Variants in TTLL6 observed in about 807,000 individuals in gnomAD.
TTLL6 encodes the protein tubulin tyrosine ligase like 6.
Under a neutral mutation model 96.4 loss-of-function variants are expected in TTLL6, and 75 were observed. That is an observed-to-expected ratio of 0.78 (90% CI 0.65 to 0.94). TTLL6 has a LOEUF of 0.94. TTLL6 is among the 40% of genes least tolerant of loss of function. The probability of loss-of-function intolerance (pLI) is 0.00; values close to 1 mark genes in which losing one functional copy is unlikely to be tolerated. For missense variants in TTLL6, 1,030 were observed against 1,093.0 expected, an observed-to-expected ratio of 0.94 and a Z score of 0.81; for synonymous variants, 411 against 419.4, an observed-to-expected ratio of 0.98 and a Z score of 0.24.
chr17:48,770,149 C>CCTATG, intron 13 of TTLL6, 52 bp from the exon 14 acceptor site: 7 of 1,526,620 alleles, frequency 4.6e-6, no homozygotes, highest in Non-Finnish European at 6.1e-6. Flanking sequence ...AGGGTTCCTT[C>CCTATG]CTATGCTATT....
chr17:48,770,724 G>A (rs1466596316), intron 13 of TTLL6, among the ~76,000 whole-genome samples: 1 of 151,606 alleles, frequency 6.6e-6, no homozygotes, highest in African/African-American at 2.4e-5. Flanking sequence ...TGTTGCCCAG[G>A]CTGGTCTCAA....
chr17:48,796,597 C>T (rs190971626), intron 7 of TTLL6, among the ~76,000 whole-genome samples: 23 of 148,052 alleles, frequency 1.6e-4, no homozygotes, highest in Admixed American at 1.0e-3. Flanking sequence ...CCAGCCTAGG[C>T]GACAAAGCGA....
chr17:48,799,684 C>T lies in TTLL6; in HGVS notation c.688G>A (p.Gly230Arg), dbSNP rs1024376770. The change falls in exon 6 of 16, where the codon GGG becomes AGG. Residue 230 changes from glycine to arginine, a missense_variant. By Grantham distance (125) the Gly-to-Arg change is moderately radical. Transcript: ENST00000393382. ...YICKPDSGCQ[G>R]KGIFITRTVK... ...GTCCGGGTGATGAATATACCTTTCC[C>T]TTGGCAGCCCGAATCCGGCTTACAA... The T allele has an allele frequency of 4.5e-6, 7 of 1,551,686 alleles. No individual in the cohort carries two copies. The African/African-American group carries it at 5.5e-5, about 12-fold the overall frequency.
chr17:48,804,702 A>C, intron 2 of TTLL6, 70 bp downstream of exon 2: 24 of 1,141,718 alleles, frequency 2.1e-5, no homozygotes, highest in Non-Finnish European at 2.8e-5. Context: ...ATCAGCCAAG[A>C]CCCCCTTCCC....
chr17:48,809,013 T>G (rs780939847), intron 1 of TTLL6, among the ~76,000 whole-genome samples: 166 of 152,320 alleles, frequency 1.1e-3, no homozygotes, highest in South Asian at 3.3e-3. Context: ...CTATAAATAA[T>G]ATAATTATAA....
intron 13 of TTLL6, among the ~76,000 whole-genome samples, chr17:48,777,298 A>G (rs192786918): frequency 5.3e-5 from 8 of 152,324 alleles, no homozygotes; most frequent in African/African-American, 1.7e-4. Flanking sequence ...AAACTTCTAG[A>G]AAAAACATAG....
intron 12 of TTLL6, among the ~76,000 whole-genome samples, chr17:48,785,518 C>T (rs1054798344): frequency 1.3e-5 from 2 of 152,150 alleles, no homozygotes; most frequent in African/African-American, 4.8e-5. Flanking sequence ...TAATACGAAA[C>T]AAAAATCCCT....
intron 10 of TTLL6, among the ~76,000 whole-genome samples, chr17:48,788,604 G>A (rs939634787): frequency 1.3e-5 from 2 of 152,144 alleles, no homozygotes; most frequent in Admixed American, 6.6e-5. Flanking sequence ...CCTCCTTCTC[G>A]AGGAGTTTAG....
intron 13 of TTLL6, among the ~76,000 whole-genome samples, chr17:48,778,605 G>A (rs2038926578): frequency 6.7e-6 from 1 of 149,888 alleles, no homozygotes; most frequent in African/African-American, 2.5e-5. Flanking sequence ...AAACCAGCCT[G>A]GGCAACAAAG....
intron 13 of TTLL6, among the ~76,000 whole-genome samples, chr17:48,774,672 T>C (rs1385972343): frequency 6.6e-6 from 1 of 151,924 alleles, no homozygotes; most frequent in Non-Finnish European, 1.5e-5. Context: ...AACCAATACC[T>C]CAAAAACCAC....
chr17:48,795,792 G>C lies in TTLL6; in HGVS notation c.998+269C>G, dbSNP rs549953237. On this transcript the variant is annotated intron_variant, in intron 8 of 15. Transcript: ENST00000393382. ...GTAATAAGGGTATGTTTTGGTGTGT[G>C]TATATATTCTGCTGGGGAAACAGCT... 1.1e-4 allele frequency among the ~76,000 whole-genome samples: 16 copies of C among 152,288 alleles called. No individual in the cohort carries two copies. In the Middle Eastern group the frequency reaches 0.014, roughly 129 times the overall value.
intron 8 of TTLL6, among the ~76,000 whole-genome samples, chr17:48,792,085 C>T (rs1406356317): frequency 1.3e-5 from 2 of 152,142 alleles, no homozygotes; most frequent in Admixed American, 6.5e-5. Flanking sequence ...TTTAGGGCTG[C>T]CCACAAGGAA....
At chr17:48,801,500 CA>C in intron 4 of TTLL6, 24 bp downstream of exon 4, 1 of 1,551,170 alleles carries the variant, frequency 6.4e-7, no homozygotes, top group Non-Finnish European at 8.7e-7. Flanking sequence ...ACACTTAAAC[CA>C]AGGACCATCA....
chr17:48,765,505 C>CA (rs1332703955), intron 15 of TTLL6: 1 of 151,726 alleles, frequency 6.6e-6, no homozygotes, highest in Admixed American at 6.6e-5. Flanking sequence ...AGTCGGCTAG[C>CA]AAAAAAGGGT....
chr17:48,772,876 G>A (rs2038776595), intron 13 of TTLL6, among the ~76,000 whole-genome samples: 1 of 152,058 alleles, frequency 6.6e-6, no homozygotes, highest in Non-Finnish European at 1.5e-5. Flanking sequence ...ATGGTGGCAT[G>A]CACCTGTGTC....
Position 48,769,880 on chromosome 17 carries a change from C to T in TTLL6, c.2258G>A (p.Trp753Ter), listed in dbSNP as rs557326604. 2 of 1,614,218 alleles carry T rather than the reference C, an allele frequency of 1.2e-6. No individual in the cohort carries two copies. The highest frequency in any genetic ancestry group is 2.2e-5 in the South Asian group (2 of 91,086). ...AGTCCAGTTTGTGTTCGGACTCTCC[C>T]AGAAGCTCTTGGATTTTGTGGGCAG... ...SFLPTKSKSFWESPNTNWTLL... is the reference protein window; with the variant it reads ...SFLPTKSKSF Residue 753 changes from tryptophan to a stop codon, truncating the protein, a stop_gained, in exon 14 of 16, where the codon TGG becomes TAG. Coordinates refer to ENST00000393382, the MANE Select transcript of TTLL6 (RefSeq NM_001130918.3). LOFTEE classifies it high-confidence loss of function.
intron 15 of TTLL6, among the ~76,000 whole-genome samples, chr17:48,766,561 C>T (rs1567712422): frequency 6.6e-6 from 1 of 152,054 alleles, no homozygotes; most frequent in East Asian, 1.9e-4. Flanking sequence ...CTACATCATC[C>T]TTTTTTAAAT....
At chr17:48,797,787 CAAAA>C (rs58265844) in intron 6 of TTLL6, among the ~76,000 whole-genome samples, 3 of 58,620 alleles carry the variant, frequency 5.1e-5, no homozygotes, top group Admixed American at 2.2e-4. Flanking sequence ...AACTCCATCT[CAAAA>C]AAAAAAAAAA....
chr17:48,789,837 G>A, intron 10 of TTLL6, 94 bp downstream of exon 10: 1 of 1,364,554 alleles, frequency 7.3e-7, no homozygotes, highest in Non-Finnish European at 9.9e-7. Context: ...GATTACAGGT[G>A]TGAGCCACTG....
Sources: allele counts gnomAD v4.1 joint callset (sites outside exome capture counted in the v4.1 genomes callset), GRCh38; gene constraint gnomAD v4.1.1; transcripts MANE v1.5; gene names NCBI Gene and HGNC (gene_info 2026-07-23, HGNC 2026-07-21).